Variants in PCDH7 observed in about 807,000 individuals in gnomAD.
PCDH7 encodes protocadherin-7.
A neutral mutation model predicts 58.9 loss-of-function variants in PCDH7; 17 were observed. The observed-to-expected ratio is 0.29, with a 90% confidence interval of 0.20 to 0.43. The LOEUF (loss-of-function observed/expected upper bound fraction) is 0.43, where lower values mean the gene tolerates loss of function less well. PCDH7 is among the 20% of genes least tolerant of loss of function. PCDH7 has a pLI of 1.00. For synonymous variants in PCDH7, 664 were observed against 616.4 expected (o/e 1.08, Z -1.14); for missense variants, 1,274 against 1,441.0 (o/e 0.88, Z 1.88).
chr4:30,875,321 T>A (rs959854712), intron 1 of PCDH7, among the ~76,000 whole-genome samples: 5 of 152,070 alleles, frequency 3.3e-5, no homozygotes, highest in African/African-American at 4.8e-5. Flanking sequence ...CGTGGCCTAA[T>A]GAACCAGCTC....
intron 2 of PCDH7, chr4:30,935,305 C>T (rs778936834): frequency 9.8e-5 from 95 of 967,010 alleles, no homozygotes; most frequent in South Asian, 9.6e-5. Flanking sequence ...TATTTTCTTA[C>T]CTCCAGAAAT....
chr4:30,985,573 A>G (rs891777415), intron 3 of PCDH7, among the ~76,000 whole-genome samples: 3 of 152,170 alleles, frequency 2.0e-5, no homozygotes, highest in Non-Finnish European at 1.5e-5. Flanking sequence ...GACATTAAGT[A>G]TTCTAGTTTG....
chr4:30,756,604 C>G (rs1719345870), intron 1 of PCDH7, among the ~76,000 whole-genome samples: 1 of 152,134 alleles, frequency 6.6e-6, no homozygotes, highest in Non-Finnish European at 1.5e-5. Context: ...GAAAATTTTG[C>G]TTGTGTCAAC....
At chr4:30,891,291 G>A (rs1168913146) in intron 1 of PCDH7, among the ~76,000 whole-genome samples, 1 of 152,088 alleles carries the variant, frequency 6.6e-6, no homozygotes, top group Admixed American at 6.6e-5. Flanking sequence ...CAATCACTAA[G>A]CAAATGAGAG....
At chr4:31,124,132 G>A (rs770433078) in intron 3 of PCDH7, among the ~76,000 whole-genome samples, 2 of 152,146 alleles carry the variant, frequency 1.3e-5, no homozygotes, top group Non-Finnish European at 2.9e-5. Context: ...GTTCTCATTA[G>A]GGCCGTGAGT....
At chr4:30,818,956 C>A (rs572914697) in intron 1 of PCDH7, among the ~76,000 whole-genome samples, 1 of 152,246 alleles carries the variant, frequency 6.6e-6, no homozygotes, top group Admixed American at 6.5e-5. Context: ...GTAATTGTTT[C>A]TATTCCTAAC....
intron 1 of PCDH7, among the ~76,000 whole-genome samples, chr4:30,822,941 TGTGA>T (rs1223503790): frequency 2.0e-5 from 3 of 152,116 alleles, no homozygotes; most frequent in East Asian, 3.9e-4. Context: ...GCGTTTTATA[TGTGA>T]GTAAGAACGG....
At chr4:30,998,058 G>T (rs1167139220) in intron 3 of PCDH7, among the ~76,000 whole-genome samples, 1 of 152,122 alleles carries the variant, frequency 6.6e-6, no homozygotes, top group African/African-American at 2.4e-5. Context: ...GCCAGGGGAA[G>T]CTTGAGCATA....
At chr4:30,763,006 G>A (rs1333380812) in intron 1 of PCDH7, among the ~76,000 whole-genome samples, 2 of 152,138 alleles carry the variant, frequency 1.3e-5, no homozygotes, top group Non-Finnish European at 2.9e-5. Context: ...ACTTTGGGAG[G>A]CCTAGGCGGG....
intron 3 of PCDH7, among the ~76,000 whole-genome samples, chr4:30,950,894 C>T (rs1747292201): frequency 6.6e-6 from 1 of 152,170 alleles, no homozygotes; most frequent in African/African-American, 2.4e-5. Context: ...GCTAGGCCCT[C>T]AGGGCTCAAA....
At chr4:31,034,620 A>T (rs1755230612) in intron 3 of PCDH7, among the ~76,000 whole-genome samples, 1 of 152,202 alleles carries the variant, frequency 6.6e-6, no homozygotes, top group Non-Finnish European at 1.5e-5. Flanking sequence ...TTTACCTACT[A>T]GTAATGCTAC....
chr4:30,740,920 A>G (rs1187979233), intron 1 of PCDH7, among the ~76,000 whole-genome samples: 1 of 152,044 alleles, frequency 6.6e-6, no homozygotes, highest in East Asian at 1.9e-4. Context: ...TTAATCAGCT[A>G]AAGTGTACAT....
chr4:30,840,761 C>G (rs1731107831), intron 1 of PCDH7, among the ~76,000 whole-genome samples: 1 of 152,094 alleles, frequency 6.6e-6, no homozygotes, highest in African/African-American at 2.4e-5. Flanking sequence ...ACAAAAGCCT[C>G]CCAGTGTAGA....
chr4:31,076,354 G>T (rs1758988854), intron 3 of PCDH7, among the ~76,000 whole-genome samples: 1 of 151,968 alleles, frequency 6.6e-6, no homozygotes, highest in South Asian at 2.1e-4. Flanking sequence ...TCCTTTTGTG[G>T]CCTGTCAGTA....
chr4:31,033,931 T>A (rs529365878), intron 3 of PCDH7, among the ~76,000 whole-genome samples: 351 of 152,102 alleles, frequency 2.3e-3, no homozygotes, highest in African/African-American at 8.2e-3. Context: ...CCATCTCTAC[T>A]AAAAATACAA....
At chr4:30,923,792 T>C (rs1743488490) in intron 2 of PCDH7, among the ~76,000 whole-genome samples, 1 of 152,208 alleles carries the variant, frequency 6.6e-6, no homozygotes, top group African/African-American at 2.4e-5. Flanking sequence ...GATAATTTCA[T>C]GCTAATCTTT....
chr4:30,884,203 T>G (rs899178541), intron 1 of PCDH7, among the ~76,000 whole-genome samples: 44 of 152,132 alleles, frequency 2.9e-4, no homozygotes, highest in African/African-American at 1.0e-3. Flanking sequence ...TACACACCAT[T>G]TTTGTGAATC....
At chr4:30,845,654 C>T (rs1335732837) in intron 1 of PCDH7, among the ~76,000 whole-genome samples, 3 of 152,080 alleles carry the variant, frequency 2.0e-5, no homozygotes, top group Non-Finnish European at 4.4e-5. Flanking sequence ...CTGGAGTATG[C>T]AGTGGTGCAG....
intron 3 of PCDH7, among the ~76,000 whole-genome samples, chr4:31,087,717 G>T (rs537158786): frequency 7.2e-5 from 11 of 152,034 alleles, no homozygotes; most frequent in African/African-American, 1.9e-4. Flanking sequence ...CTAAAATGTC[G>T]ATTAATTCAG....
Sources: gnomAD v4.1 joint callset for allele counts (sites outside exome capture counted in the v4.1 genomes callset) on GRCh38, gnomAD v4.1.1 for gene constraint, MANE v1.5 for transcripts, NCBI Gene and HGNC (gene_info 2026-07-23, HGNC 2026-07-21) for gene names.